The following IRAK1BP1 variants were observed in gnomAD, a reference collection of about 807,000 sequenced individuals.
The protein encoded by IRAK1BP1 is interleukin 1 receptor associated kinase 1 binding protein 1.
Under a neutral mutation model 28.0 loss-of-function variants are expected in IRAK1BP1, and 24 were observed. The observed-to-expected ratio is 0.86, with a 90% confidence interval of 0.62 to 1.20. The LOEUF is 1.20. Ranked by LOEUF, IRAK1BP1 falls within the 50% of genes most tolerant of loss-of-function variation. IRAK1BP1 has a pLI of 0.00. For missense variants in IRAK1BP1, 336 were observed against 316.7 expected, an observed-to-expected ratio of 1.06 and a Z score of -0.46; for synonymous variants, 131 against 116.3, an observed-to-expected ratio of 1.13 and a Z score of -0.81.
chr6:78,973,204 G>A, the IRAK1BP1 span, among the ~76,000 whole-genome samples: 1 of 152,110 alleles, frequency 6.6e-6, no homozygotes, highest in East Asian at 1.9e-4. Flanking sequence ...CAAGCCAGAA[G>A]AGAGTGGGGG....
At chr6:78,939,928 C>T (rs1448829807) in intron 4 of IRAK1BP1, 4 of 152,418 alleles carry the variant, frequency 2.6e-5, no homozygotes, top group Non-Finnish European at 1.5e-5. Context: ...GCTGTCCTGA[C>T]GTCAAAAACA....
exon 5 of IRAK1BP1, chr6:78,946,005 T>C: frequency 6.2e-7 from 1 of 1,602,434 alleles, no homozygotes; most frequent in Non-Finnish European, 8.5e-7. Flanking sequence ...TCTTACTTGT[T>C]TTCCCTGGTA....
At chr6:78,932,279 G>C (rs891510697) in intron 4 of IRAK1BP1, among the ~76,000 whole-genome samples, 5 of 151,938 alleles carry the variant, frequency 3.3e-5, no homozygotes, top group African/African-American at 1.2e-4. Context: ...TTGATATTTT[G>C]ATCTCCAATG....
chr6:78,875,956 T>C (rs1032545522), intron 1 of IRAK1BP1, among the ~76,000 whole-genome samples: 1 of 152,246 alleles, frequency 6.6e-6, no homozygotes, highest in African/African-American at 2.4e-5. Flanking sequence ...TCTTCTTGTT[T>C]ACTTTTTTAA....
chr6:78,889,138 A>AAG (rs1554188369), intron 2 of IRAK1BP1, among the ~76,000 whole-genome samples: 8 of 149,302 alleles, frequency 5.4e-5, no homozygotes, highest in Admixed American at 1.3e-4. Flanking sequence ...AAAAAAAGAA[A>AAG]GAAAGAAAGA....
intron 2 of IRAK1BP1, among the ~76,000 whole-genome samples, chr6:78,889,128 AAAAAAAG>A (rs1361784192): frequency 1.3e-5 from 2 of 148,806 alleles, no homozygotes; most frequent in African/African-American, 5.0e-5. Flanking sequence ...AAAAAAAAAA[AAAAAAAG>A]AAAGAAAGAA....
At chr6:78,897,711 C>A in intron 2 of IRAK1BP1, 118 bp from the exon 3 acceptor site, 1 of 685,854 alleles carries the variant, frequency 1.5e-6, no homozygotes, top group Non-Finnish European at 2.2e-6. Flanking sequence ...TTTTAAAAAT[C>A]TGTTACATAC....
At chr6:78,889,785 G>A (rs910942090) in intron 2 of IRAK1BP1, among the ~76,000 whole-genome samples, 3 of 152,156 alleles carry the variant, frequency 2.0e-5, no homozygotes, top group African/African-American at 4.8e-5. Context: ...TGCTAGAGAG[G>A]ATGTGGAGAA....
exon 5 of IRAK1BP1, chr6:78,946,303 G>A (rs188915765): frequency 3.8e-5 from 59 of 1,546,572 alleles, no homozygotes; most frequent in Non-Finnish European, 4.7e-5. Flanking sequence ...ATAGCTCTAT[G>A]TGAACGAATA....
In IRAK1BP1 at chr6:78,898,554, T is replaced by C. The variant is rs149082787; in HGVS notation, c.*220T>C. ...TTTAAAAGACTACTCTGAAAAACACTCTTGGATAATAAATGTATTATGTGC... is the reference window on the plus strand; with the variant it reads ...TTTAAAAGACTACTCTGAAAAACACCCTTGGATAATAAATGTATTATGTGC... On this transcript the variant is annotated 3_prime_UTR_variant, in exon 4 of 4. Coordinates refer to ENST00000369940, the MANE Select transcript of IRAK1BP1 (RefSeq NM_001010844.4). 6.6e-6 allele frequency: 1 copy of C among 152,230 alleles called. No homozygotes were observed. Among genetic ancestry groups the C allele is most frequent in the East Asian group, 1.9e-4 (1 of 5,240 alleles). 9.4% of individuals were successfully genotyped at this position (152,230 alleles called of 1,614,324 possible).
the IRAK1BP1 span, chr6:78,978,781 A>T: frequency 4.2e-6 from 5 of 1,199,086 alleles, no homozygotes; most frequent in Non-Finnish European, 6.0e-6. Context: ...CTACTCTTTA[A>T]AATAACTATA....
chr6:78,919,276 C>T (rs1044338091), intron 4 of IRAK1BP1, among the ~76,000 whole-genome samples: 1 of 151,936 alleles, frequency 6.6e-6, no homozygotes, highest in African/African-American at 2.4e-5. Flanking sequence ...TGACTCACAC[C>T]AAGAGGAACT....
the IRAK1BP1 span, chr6:78,978,721 TTTAAGTAATAATTG>T: frequency 2.5e-5 from 39 of 1,589,474 alleles, no homozygotes; most frequent in Admixed American, 2.4e-4. Flanking sequence ...TCTGACAAAA[TTTAAGTAATAATTG>T]TTAAGTAATA....
downstream of IRAK1BP1, among the ~76,000 whole-genome samples, chr6:78,947,930 T>C (rs1773916847): frequency 2.0e-5 from 3 of 148,228 alleles, no homozygotes; most frequent in Non-Finnish European, 4.5e-5. Context: ...TTTTTTCTAA[T>C]AATTCTTATT....
the IRAK1BP1 span, chr6:78,955,690 A>T: frequency 1.1e-6 from 1 of 904,514 alleles, no homozygotes; most frequent in South Asian, 1.7e-5. Flanking sequence ...TCCCTACATA[A>T]CAAGGAAATG....
At chr6:78,890,482 C>T (rs930743889) in intron 2 of IRAK1BP1, among the ~76,000 whole-genome samples, 6 of 151,474 alleles carry the variant, frequency 4.0e-5, no homozygotes, top group Non-Finnish European at 1.5e-5. Context: ...AAAATTTATC[C>T]AAAATTTACT....
chr6:78,904,619 G>A (rs1772213051), downstream of IRAK1BP1, among the ~76,000 whole-genome samples: 1 of 152,078 alleles, frequency 6.6e-6, no homozygotes, highest in Admixed American at 6.6e-5. Context: ...GTAATGCTTT[G>A]TTCTTCCATT....
the IRAK1BP1 span, among the ~76,000 whole-genome samples, chr6:78,976,711 C>G: frequency 1.4e-5 from 2 of 147,238 alleles, no homozygotes; most frequent in Admixed American, 6.8e-5. Flanking sequence ...AAAAAGTGGG[C>G]GAAGGACATG....
exon 5 of IRAK1BP1, chr6:78,945,640 T>C (rs1381890620): frequency 1.4e-5 from 9 of 647,558 alleles, no homozygotes; most frequent in African/African-American, 3.7e-5. Flanking sequence ...TACTTTCTAA[T>C]AGGAAAAAGG....
Sources: gnomAD v4.1 joint callset for allele counts (sites outside exome capture counted in the v4.1 genomes callset) on GRCh38, gnomAD v4.1.1 for gene constraint, MANE v1.5 for transcripts, NCBI Gene and HGNC (gene_info 2026-07-23, HGNC 2026-07-21) for gene names.